Variants in ASPRV1 observed in about 807,000 individuals in gnomAD.
The protein encoded by ASPRV1 is retroviral-like aspartic protease 1.
ASPRV1 carries 7 observed loss-of-function variants against 11.0 expected under a neutral mutation model. That is an observed-to-expected ratio of 0.64 (90% CI 0.36 to 1.20). The LOEUF (loss-of-function observed/expected upper bound fraction) is 1.20, where lower values mean the gene tolerates loss of function less well. Among genes scored for constraint, ASPRV1 ranks in the 50% most tolerant of loss-of-function variants. ASPRV1 has a pLI of 0.02. For missense variants in ASPRV1, 299 were observed against 320.0 expected, an observed-to-expected ratio of 0.93 and a Z score of 0.50; for synonymous variants, 136 against 138.4, an observed-to-expected ratio of 0.98 and a Z score of 0.12.
the ASPRV1 span, chr2:69,941,317 C>T: frequency 6.6e-6 from 1 of 152,146 alleles, no homozygotes; most frequent in African/African-American, 2.4e-5. Flanking sequence ...GAATGGTGGG[C>T]CGAGCACCCA....
At chr2:69,952,091 A>T in the ASPRV1 span, among the ~76,000 whole-genome samples, 1 of 152,226 alleles carries the variant, frequency 6.6e-6, no homozygotes, top group African/African-American at 2.4e-5. Context: ...TGAGTGCTCC[A>T]AAGTCAAGCC....
At chr2:70,071,990 T>C in the ASPRV1 span, among the ~76,000 whole-genome samples, 1 of 151,492 alleles carries the variant, frequency 6.6e-6, no homozygotes, top group African/African-American at 2.4e-5. Context: ...CTCGCTCTAT[T>C]GCCCAGGCTG....
At chr2:69,994,967 A>G in the ASPRV1 span, among the ~76,000 whole-genome samples, 3 of 151,908 alleles carry the variant, frequency 2.0e-5, no homozygotes, top group East Asian at 5.8e-4. Flanking sequence ...GCGCCGCTGC[A>G]CTCCGGCCTG....
At chr2:70,015,496 G>T in the ASPRV1 span, 1 of 152,204 alleles carries the variant, frequency 6.6e-6, no homozygotes, top group African/African-American at 2.4e-5. Flanking sequence ...ATATACAGAG[G>T]TTTCGCAGGG....
the ASPRV1 span, among the ~76,000 whole-genome samples, chr2:69,990,892 T>A: frequency 6.6e-6 from 1 of 152,078 alleles, no homozygotes; most frequent in East Asian, 1.9e-4. Flanking sequence ...GCCTCTAAGA[T>A]CCCTTCTGAG....
chr2:70,025,793 C>T, the ASPRV1 span, among the ~76,000 whole-genome samples: 1 of 152,182 alleles, frequency 6.6e-6, no homozygotes, highest in Non-Finnish European at 1.5e-5. Flanking sequence ...GATACTGATG[C>T]TGCAATGGCT....
At chr2:70,007,440 C>T in the ASPRV1 span, among the ~76,000 whole-genome samples, 1 of 152,064 alleles carries the variant, frequency 6.6e-6, no homozygotes, top group African/African-American at 2.4e-5. Flanking sequence ...ATTGCTTGAA[C>T]CCTGGAGGCG....
the ASPRV1 span, chr2:69,997,955 G>C: frequency 6.6e-6 from 1 of 152,204 alleles, no homozygotes; most frequent in Non-Finnish European, 1.5e-5. Context: ...CTATGAGACA[G>C]GAGCTGTATT....
chr2:70,042,252 A>G, the ASPRV1 span, among the ~76,000 whole-genome samples: 2 of 152,214 alleles, frequency 1.3e-5, no homozygotes, highest in African/African-American at 4.8e-5. Context: ...AACAAAGCTA[A>G]GAGCCTTGTT....
chr2:70,024,353 T>C, the ASPRV1 span, among the ~76,000 whole-genome samples: 1 of 152,182 alleles, frequency 6.6e-6, no homozygotes, highest in Non-Finnish European at 1.5e-5. Flanking sequence ...TAGTAAGTCG[T>C]TCATTAGTTG....
the ASPRV1 span, among the ~76,000 whole-genome samples, chr2:70,054,525 C>T: frequency 3.3e-5 from 5 of 151,360 alleles, no homozygotes; most frequent in South Asian, 2.1e-4. Context: ...TGCAGTGAGC[C>T]GAGATCGCGC....
the ASPRV1 span, among the ~76,000 whole-genome samples, chr2:69,933,695 C>G: frequency 6.6e-6 from 1 of 152,224 alleles, no homozygotes; most frequent in Non-Finnish European, 1.5e-5. Context: ...GGGGAACATC[C>G]TGAAGTCTCC....
the ASPRV1 span, among the ~76,000 whole-genome samples, chr2:69,973,875 T>C: frequency 6.6e-6 from 1 of 152,236 alleles, no homozygotes; most frequent in African/African-American, 2.4e-5. Flanking sequence ...TTTGTGGTGG[T>C]TGCTGCCCAC....
the ASPRV1 span, among the ~76,000 whole-genome samples, chr2:69,978,725 C>G: frequency 6.6e-6 from 1 of 152,136 alleles, no homozygotes; most frequent in East Asian, 1.9e-4. Flanking sequence ...GGAAGCAAAC[C>G]TCGCGCCCTC....
the ASPRV1 span, among the ~76,000 whole-genome samples, chr2:70,020,993 A>G: frequency 1.3e-5 from 2 of 152,202 alleles, no homozygotes; most frequent in Non-Finnish European, 2.9e-5. Flanking sequence ...TAAAAATTTT[A>G]TGTGTATTTT....
chr2:70,058,346 G>T, the ASPRV1 span, among the ~76,000 whole-genome samples: 1 of 152,086 alleles, frequency 6.6e-6, no homozygotes, highest in African/African-American at 2.4e-5. Context: ...GGGTTCATGC[G>T]ATTCTCCTGC....
the ASPRV1 span, chr2:69,997,947 A>G: frequency 6.6e-6 from 1 of 152,220 alleles, no homozygotes; most frequent in South Asian, 2.1e-4. Flanking sequence ...TGACAATGCT[A>G]TGAGACAGGA....
At chr2:69,945,221 A>G in the ASPRV1 span, among the ~76,000 whole-genome samples, 1 of 140,680 alleles carries the variant, frequency 7.1e-6, no homozygotes, top group East Asian at 2.1e-4. Flanking sequence ...CCTGGGCGAC[A>G]GAGAGAGACC....
chr2:70,038,508 A>G, the ASPRV1 span, among the ~76,000 whole-genome samples: 1 of 152,152 alleles, frequency 6.6e-6, no homozygotes, highest in Admixed American at 6.5e-5. Flanking sequence ...TGAGGCCAAG[A>G]GTTTGAGGTT....
Sources: gnomAD v4.1 joint callset for allele counts (sites outside exome capture counted in the v4.1 genomes callset) on GRCh38, gnomAD v4.1.1 for gene constraint, MANE v1.5 for transcripts, NCBI Gene and HGNC (gene_info 2026-07-23, HGNC 2026-07-21) for gene names.